Variants in CHCHD6 observed in about 807,000 individuals in gnomAD.
CHCHD6 encodes MICOS complex subunit MIC25.
CHCHD6 carries 28 observed loss-of-function variants against 32.3 expected under a neutral mutation model. The ratio of observed to expected loss-of-function variants is 0.87; its 90% CI spans 0.64 to 1.19. The LOEUF (loss-of-function observed/expected upper bound fraction) is 1.19, where lower values mean the gene tolerates loss of function less well. Among genes scored for constraint, CHCHD6 ranks in the 50% most tolerant of loss-of-function variants. The pLI, the probability that CHCHD6 is intolerant of heterozygous loss-of-function variation, is 0.00. For synonymous variants in CHCHD6, 122 were observed against 117.5 expected (o/e 1.04, Z -0.25); for missense variants, 333 against 307.0 (o/e 1.08, Z -0.63).
At chr3:126,884,789 A>G (rs2107574873) in intron 5 of CHCHD6, among the ~76,000 whole-genome samples, 1 of 152,348 alleles carries the variant, frequency 6.6e-6, no homozygotes, top group Middle Eastern at 3.4e-3. Flanking sequence ...ACTTAATACA[A>G]GAGACCAAAT....
At chr3:126,845,811 G>T (rs1480300594) in intron 4 of CHCHD6, among the ~76,000 whole-genome samples, 1 of 152,052 alleles carries the variant, frequency 6.6e-6, no homozygotes, top group African/African-American at 2.4e-5. Flanking sequence ...ATAGTTTCCG[G>T]TGGTGTCAGT....
chr3:126,845,740 A>G (rs1941273150), intron 4 of CHCHD6, among the ~76,000 whole-genome samples: 2 of 152,154 alleles, frequency 1.3e-5, no homozygotes, highest in South Asian at 4.2e-4. Context: ...TAATAAACCC[A>G]TGAATTCATG....
intron 5 of CHCHD6, among the ~76,000 whole-genome samples, chr3:126,906,051 C>G (rs2078000890): frequency 6.6e-6 from 1 of 152,162 alleles, no homozygotes; most frequent in Non-Finnish European, 1.5e-5. Flanking sequence ...TGAGTAGATG[C>G]TGCACAGACA....
chr3:126,955,295 C>T (rs534844400), intron 6 of CHCHD6, among the ~76,000 whole-genome samples: 13 of 152,370 alleles, frequency 8.5e-5, no homozygotes, highest in Admixed American at 5.2e-4. Flanking sequence ...GCCAGTGAAG[C>T]GGGTCTCCGG....
At position 126,727,639 on chromosome 3, in the gene CHCHD6, C is replaced by T. The variant is rs150928282; in HGVS notation, c.196+453C>T. Among the ~76,000 whole-genome samples the T allele has an allele frequency of 4.8e-3, 729 of 152,288 alleles. 3 individuals are homozygous for T. Among genetic ancestry groups the T allele is most frequent in the African/African-American group, 0.014 (585 of 41,552 alleles). ...AGCAGCCCTCACCTGAGCCTCAGGC[C>T]GAGAGCTCCTGTCCTGGCCCTTGGA... On this transcript the variant is annotated intron_variant, in intron 2 of 7. Transcript: ENST00000290913.
At chr3:126,865,051 C>T (rs906296117) in intron 5 of CHCHD6, among the ~76,000 whole-genome samples, 1 of 144,598 alleles carries the variant, frequency 6.9e-6, no homozygotes, top group African/African-American at 2.7e-5. Context: ...TTCATCACTA[C>T]CTCCTCCTCC....
chr3:126,762,081 C>G (rs962717929), intron 4 of CHCHD6, among the ~76,000 whole-genome samples: 2 of 152,016 alleles, frequency 1.3e-5, no homozygotes, highest in Non-Finnish European at 2.9e-5. Flanking sequence ...TTTTGTTGAT[C>G]TTTTAAAAGA....
chr3:126,747,661 A>T (rs1163406841), intron 4 of CHCHD6, among the ~76,000 whole-genome samples: 1 of 152,144 alleles, frequency 6.6e-6, no homozygotes, highest in African/African-American at 2.4e-5. Flanking sequence ...GGATTTCATC[A>T]TGACTCAATT....
At chr3:126,795,664 T>G (rs1249102392) in intron 4 of CHCHD6, among the ~76,000 whole-genome samples, 1 of 152,172 alleles carries the variant, frequency 6.6e-6, no homozygotes, top group Non-Finnish European at 1.5e-5. Flanking sequence ...GTTGGTGTCA[T>G]CTTACCATGT....
intron 4 of CHCHD6, among the ~76,000 whole-genome samples, chr3:126,839,074 G>T (rs1207180514): frequency 6.6e-6 from 1 of 151,856 alleles, no homozygotes; most frequent in Non-Finnish European, 1.5e-5. Context: ...TTTAATAGTA[G>T]AGATAAGGTC....
At chr3:126,868,365 A>T (rs1942361793) in intron 5 of CHCHD6, among the ~76,000 whole-genome samples, 1 of 152,112 alleles carries the variant, frequency 6.6e-6, no homozygotes, top group East Asian at 1.9e-4. Context: ...CTCAATCTTA[A>T]AAACTGCCTT....
In CHCHD6 at chr3:126,863,509, A is replaced by ACCTCCTCCTCCACCATCACCACCT. The variant is rs1559888864; in HGVS notation, c.495+10812_495+10835dup. 1.5e-3 allele frequency among the ~76,000 whole-genome samples: 124 copies of ACCTCCTCCTCCACCATCACCACCT among 82,470 alleles called. 5 individuals are homozygous for ACCTCCTCCTCCACCATCACCACCT. Among genetic ancestry groups the ACCTCCTCCTCCACCATCACCACCT allele is most frequent in the African/African-American group, 5.6e-3 (114 of 20,292 alleles). The allele number at this position is 82,470 out of a possible 152,430, so 54.1% of individuals were successfully genotyped here. On this transcript the variant is annotated intron_variant, in intron 5 of 7. Coordinates refer to ENST00000290913, the MANE Select transcript of CHCHD6 (RefSeq NM_032343.3). ...CACCTCCTCCTCCTCTACTATCACC[A>ACCTCCTCCTCCACCATCACCACCT]CCTCCTCCTCCACCATCACCACCTC...
At chr3:126,887,327 C>T (rs1192306925) in intron 5 of CHCHD6, among the ~76,000 whole-genome samples, 1 of 152,026 alleles carries the variant, frequency 6.6e-6, no homozygotes, top group Non-Finnish European at 1.5e-5. Flanking sequence ...GATTAATGAC[C>T]CTGCATATAA....
chr3:126,843,733 C>A (rs963552908), intron 4 of CHCHD6, among the ~76,000 whole-genome samples: 5 of 152,156 alleles, frequency 3.3e-5, no homozygotes, highest in Admixed American at 2.0e-4. Flanking sequence ...CCCAAGAGTT[C>A]AATTACATGT....
intron 3 of CHCHD6, 93 bp from the exon 4 acceptor site, chr3:126,732,985 T>C: frequency 2.1e-6 from 3 of 1,406,010 alleles, no homozygotes; most frequent in East Asian, 2.3e-5. Flanking sequence ...AGCATTTCCC[T>C]GGTGGCTGAA....
At chr3:126,814,900 A>T (rs529439091) in intron 4 of CHCHD6, among the ~76,000 whole-genome samples, 3 of 152,264 alleles carry the variant, frequency 2.0e-5, no homozygotes, top group Non-Finnish European at 4.4e-5. Context: ...AGTTTTGGGG[A>T]TAGCCCCCAA....
intron 6 of CHCHD6, among the ~76,000 whole-genome samples, chr3:126,946,908 C>T (rs2078647472): frequency 6.6e-6 from 1 of 152,260 alleles, no homozygotes; most frequent in Non-Finnish European, 1.5e-5. Context: ...CCCAGTTCCA[C>T]ACCAGGCCAA....
chr3:126,784,670 C>T (rs1303926187), intron 4 of CHCHD6, among the ~76,000 whole-genome samples: 1 of 152,196 alleles, frequency 6.6e-6, no homozygotes, highest in Non-Finnish European at 1.5e-5. Context: ...CAGGCATCCC[C>T]CAGTGTCAGC....
intron 5 of CHCHD6, among the ~76,000 whole-genome samples, chr3:126,874,603 G>A (rs1378998739): frequency 6.6e-6 from 1 of 152,150 alleles, no homozygotes; most frequent in Non-Finnish European, 1.5e-5. Context: ...AAGACTCATG[G>A]TCTGCTGGGC....
Sources: allele counts gnomAD v4.1 joint callset (sites outside exome capture counted in the v4.1 genomes callset), GRCh38; gene constraint gnomAD v4.1.1; transcripts MANE v1.5; gene names NCBI Gene and HGNC (gene_info 2026-07-23, HGNC 2026-07-21).